Variants in GSK3B observed in about 807,000 individuals in gnomAD.
GSK3B encodes the protein glycogen synthase kinase 3 beta, also known as glycogen synthase kinase-3 beta.
GSK3B carries 15 observed loss-of-function variants against 56.4 expected under a neutral mutation model. The observed-to-expected ratio is 0.27, with a 90% CI of 0.18 to 0.41. The LOEUF is 0.41. GSK3B is among the 10% of genes least tolerant of loss of function. GSK3B has a pLI of 1.00. For synonymous variants in GSK3B, 181 were observed against 188.9 expected, an observed-to-expected ratio of 0.96 and a Z score of 0.34; for missense variants, 300 against 513.4, an observed-to-expected ratio of 0.58 and a Z score of 4.02.
chr3:120,046,353 A>G (rs1396450829), intron 1 of GSK3B, among the ~76,000 whole-genome samples: 3 of 152,194 alleles, frequency 2.0e-5, no homozygotes, highest in East Asian at 1.9e-4. Context: ...AGATGTTAGT[A>G]ACCGGGAAAA....
At chr3:119,985,690 T>C (rs867606183) in intron 2 of GSK3B, among the ~76,000 whole-genome samples, 49 of 152,066 alleles carry the variant, frequency 3.2e-4, no homozygotes, top group Middle Eastern at 3.4e-3. Context: ...AAAGAGGACA[T>C]AAACAAATGG....
At chr3:119,827,539 G>C (rs1310930760) in intron 10 of GSK3B, among the ~76,000 whole-genome samples, 1 of 140,122 alleles carries the variant, frequency 7.1e-6, no homozygotes, top group African/African-American at 2.6e-5. Flanking sequence ...GGTTGAGGCT[G>C]CAAGTGAGCC....
Position 120,094,179 on chromosome 3 carries a change from G to A in GSK3B, c.-745C>T, listed in dbSNP as rs2058543032. On this transcript the variant is annotated 5_prime_UTR_variant, in exon 1 of 11. Transcript: ENST00000264235. Reference sequence around the variant, plus strand: ...GCGGCTCCTCGACTGTTCCCCATTCGCCGGGGACATGGGAACCCGGCAACC... The same window carrying A: ...GCGGCTCCTCGACTGTTCCCCATTCACCGGGGACATGGGAACCCGGCAACC... The A allele has an allele frequency of 1.8e-5, 4 of 227,358 alleles. No individual in the cohort carries two copies. The highest frequency in any genetic ancestry group is 1.7e-4 in the Admixed American group (3 of 17,332). The allele number at this position is 227,358 out of a possible 1,614,324, so 14.1% of individuals were successfully genotyped here.
chr3:119,843,574 C>G (rs908122364), intron 9 of GSK3B: 2 of 221,764 alleles, frequency 9.0e-6, no homozygotes, highest in African/African-American at 4.7e-5. Flanking sequence ...GAAACCCCGT[C>G]TCTACTAAAA....
At chr3:119,848,902 T>C (rs933328885) in intron 9 of GSK3B, among the ~76,000 whole-genome samples, 1 of 152,172 alleles carries the variant, frequency 6.6e-6, no homozygotes, top group Non-Finnish European at 1.5e-5. Context: ...GGGAAGACAG[T>C]TGAAGATACT....
At chr3:120,080,516 G>C (rs1186992055) in intron 1 of GSK3B, among the ~76,000 whole-genome samples, 1 of 151,896 alleles carries the variant, frequency 6.6e-6, no homozygotes, top group Non-Finnish European at 1.5e-5. Context: ...TCATCTTAAA[G>C]ACCCAAAAAG....
chr3:119,897,793 C>CAAAAAAA (rs11464173), intron 7 of GSK3B, among the ~76,000 whole-genome samples: 29 of 72,732 alleles, frequency 4.0e-4, no homozygotes, highest in African/African-American at 5.0e-4. Context: ...GACTCTGTCT[C>CAAAAAAA]AAAAAAAAAA....
rs79533127 is a variant in GSK3B, at chr3:119,920,969, T to C, written c.477+2404A>G. 3.0e-3 allele frequency among the ~76,000 whole-genome samples: 458 copies of C among 152,334 alleles called. 7 individuals carry two copies. In the East Asian group the frequency reaches 0.037, roughly 12 times the overall value. On this transcript the variant is annotated intron_variant, in intron 4 of 10. Coordinates refer to ENST00000264235, the MANE Select transcript of GSK3B (RefSeq NM_001146156.2). ...ATTAGCACCTCTAGCATCCAGACTG[T>C]GGTCTCTAAATACCACCTCCCACTA...
chr3:120,018,244 C>A (rs77216470), intron 1 of GSK3B, among the ~76,000 whole-genome samples: 3,945 of 152,244 alleles, frequency 0.026, 176 homozygotes, highest in African/African-American at 0.089. Context: ...ATACAGGTAA[C>A]CCCTGAACAA....
intron 1 of GSK3B, among the ~76,000 whole-genome samples, chr3:120,063,421 T>A (rs2058253778): frequency 6.6e-6 from 1 of 151,910 alleles, no homozygotes; most frequent in Non-Finnish European, 1.5e-5. Context: ...AATATGGAAC[T>A]GTTTACATAC....
intron 1 of GSK3B, among the ~76,000 whole-genome samples, chr3:120,022,274 G>C (rs551905243): frequency 2.0e-5 from 3 of 152,168 alleles, no homozygotes; most frequent in Non-Finnish European, 4.4e-5. Flanking sequence ...AAACAATAAA[G>C]GATGTTTTAA....
At chr3:120,015,932 T>C (rs976638153) in intron 1 of GSK3B, among the ~76,000 whole-genome samples, 1 of 152,168 alleles carries the variant, frequency 6.6e-6, no homozygotes. Context: ...AATGGAGGGC[T>C]TACTGAAAAC....
chr3:119,934,800 T>C (rs1253419590), intron 3 of GSK3B, among the ~76,000 whole-genome samples: 1 of 152,168 alleles, frequency 6.6e-6, no homozygotes, highest in Non-Finnish European at 1.5e-5. Context: ...CTAATTTACA[T>C]ATAATATATG....
At chr3:119,827,611 A>C (rs991598617) in intron 10 of GSK3B, among the ~76,000 whole-genome samples, 1 of 136,362 alleles carries the variant, frequency 7.3e-6, no homozygotes, top group East Asian at 2.1e-4. Context: ...AAAAAAAAAG[A>C]GAGAGAGAGA....
intron 2 of GSK3B, among the ~76,000 whole-genome samples, chr3:119,955,631 G>GT (rs901800103): frequency 4.8e-5 from 7 of 146,936 alleles, no homozygotes; most frequent in East Asian, 4.3e-4. Flanking sequence ...CCACTGATTG[G>GT]TTTTTTTTGC....
intron 8 of GSK3B, among the ~76,000 whole-genome samples, chr3:119,872,327 A>C (rs1218270064): frequency 6.6e-6 from 1 of 152,158 alleles, no homozygotes; most frequent in Non-Finnish European, 1.5e-5. Flanking sequence ...AGAGTGACTA[A>C]ATAATCTGCC....
intron 3 of GSK3B, among the ~76,000 whole-genome samples, chr3:119,925,060 G>A (rs949732615): frequency 3.3e-5 from 5 of 152,234 alleles, no homozygotes; most frequent in African/African-American, 1.2e-4. Context: ...CAGGCGTGGT[G>A]GCTTACGCCT....
intron 6 of GSK3B, among the ~76,000 whole-genome samples, chr3:119,906,803 G>A (rs935231973): frequency 6.6e-6 from 1 of 152,094 alleles, no homozygotes; most frequent in Non-Finnish European, 1.5e-5. Flanking sequence ...AGTACGGAAG[G>A]AGAAGAAGGA....
At chr3:119,983,183 C>T (rs193095565) in intron 2 of GSK3B, among the ~76,000 whole-genome samples, 117 of 152,250 alleles carry the variant, frequency 7.7e-4, no homozygotes, top group African/African-American at 2.5e-3. Flanking sequence ...CCAGGCCTGC[C>T]TTACAAGAGC....
Sources: gnomAD v4.1 joint callset for allele counts (sites outside exome capture counted in the v4.1 genomes callset) on GRCh38, gnomAD v4.1.1 for gene constraint, MANE v1.5 for transcripts, NCBI Gene and HGNC (gene_info 2026-07-23, HGNC 2026-07-21) for gene names.